Variants in PARD3B observed in about 807,000 individuals in gnomAD.
The protein encoded by PARD3B is par-3 family cell polarity regulator beta.
In PARD3B, 103 loss-of-function variants were observed where a neutral mutation model predicts 130.2. The observed-to-expected ratio is 0.79, with a 90% CI of 0.67 to 0.93. PARD3B has a LOEUF of 0.93. Among genes scored for constraint, PARD3B ranks in the 40% least tolerant of loss-of-function variants. The pLI, the probability that PARD3B is intolerant of heterozygous loss-of-function variation, is 0.00. For missense variants in PARD3B, 1,609 were observed against 1,499.2 expected, an observed-to-expected ratio of 1.07 and a Z score of -1.21; for synonymous variants, 583 against 553.2, an observed-to-expected ratio of 1.05 and a Z score of -0.76.
At chr2:204,636,083 T>G (rs151067251) in intron 1 of PARD3B, among the ~76,000 whole-genome samples, 108 of 152,246 alleles carry the variant, frequency 7.1e-4, no homozygotes, top group South Asian at 2.5e-3. Flanking sequence ...GGCTTAAATA[T>G]TAATTAAATA....
intron 2 of PARD3B, among the ~76,000 whole-genome samples, chr2:204,945,780 T>C (rs1210669126): frequency 1.3e-5 from 2 of 152,216 alleles, no homozygotes; most frequent in Admixed American, 1.3e-4. Context: ...GGGCAAGACA[T>C]TCAAGGTCCT....
chr2:205,020,307 T>TA (rs1696498119), intron 3 of PARD3B, among the ~76,000 whole-genome samples: 1 of 152,322 alleles, frequency 6.6e-6, no homozygotes, highest in African/African-American at 2.4e-5. Context: ...TACTTAGTGA[T>TA]ACAATTATCT....
chr2:205,331,199 C>CA (rs956493317), intron 18 of PARD3B, among the ~76,000 whole-genome samples: 2 of 152,040 alleles, frequency 1.3e-5, no homozygotes, highest in African/African-American at 4.8e-5. Context: ...TACAAACACA[C>CA]ACACAGACAT....
intron 13 of PARD3B, among the ~76,000 whole-genome samples, chr2:205,182,952 A>T (rs2035876227): frequency 1.3e-5 from 2 of 152,158 alleles, no homozygotes; most frequent in Admixed American, 1.3e-4. Context: ...ATTTGCAAGA[A>T]CTAGTCTAGG....
chr2:205,587,665 G>A (rs1009089531), intron 22 of PARD3B, among the ~76,000 whole-genome samples: 1 of 152,116 alleles, frequency 6.6e-6, no homozygotes, highest in Non-Finnish European at 1.5e-5. Flanking sequence ...GGCTATTTTA[G>A]TTGGGTTTTT....
At chr2:204,939,518 A>G (rs1191654425) in intron 2 of PARD3B, among the ~76,000 whole-genome samples, 1 of 152,230 alleles carries the variant, frequency 6.6e-6, no homozygotes, top group Non-Finnish European at 1.5e-5. Flanking sequence ...ATAACAGAGA[A>G]ATGAAGACAT....
At chr2:204,712,138 G>A (rs549209593) in intron 2 of PARD3B, among the ~76,000 whole-genome samples, 2 of 152,202 alleles carry the variant, frequency 1.3e-5, no homozygotes, top group South Asian at 4.2e-4. Flanking sequence ...CATTTATGAA[G>A]GGAGTTTATA....
chr2:205,246,410 A>T (rs1178598828), intron 16 of PARD3B, among the ~76,000 whole-genome samples: 1 of 152,116 alleles, frequency 6.6e-6, no homozygotes, highest in Admixed American at 6.5e-5. Flanking sequence ...CTAAAATCCA[A>T]GCTGTTTTTT....
chr2:205,515,506 A>G (rs1435875863), intron 21 of PARD3B, among the ~76,000 whole-genome samples: 5 of 142,456 alleles, frequency 3.5e-5, no homozygotes, highest in East Asian at 4.4e-4. Context: ...GCCAGCATCT[A>G]TTACTTTTTT....
chr2:205,301,812 A>T lies in PARD3B; in HGVS notation c.2630+111A>T. On this transcript the variant is annotated intron_variant, in intron 18 of 22. Transcript: ENST00000406610. The surrounding 1 kb of genome is among the most constrained non-coding windows in gnomAD (Gnocchi z 5.2). ...GCACGCTTTTCCTCGTCTTCAGCCA[A>T]ATGCATACGGCTCTCAATTCTGTGC... 6.7e-7 allele frequency: 1 copy of T among 1,503,420 alleles called. No homozygotes were observed. Among genetic ancestry groups the T allele is most frequent in the Non-Finnish European group, 9.3e-7 (1 of 1,079,324 alleles). 93.1% of individuals were successfully genotyped at this position (1,503,420 alleles called of 1,614,324 possible).
At chr2:205,177,914 C>G (rs576495204) in intron 13 of PARD3B, among the ~76,000 whole-genome samples, 1 of 152,090 alleles carries the variant, frequency 6.6e-6, no homozygotes, top group East Asian at 1.9e-4. Flanking sequence ...TCCTGTCTCC[C>G]TGTCCTCAGT....
In PARD3B at chr2:205,615,998, G is replaced by GA. The variant is rs199979746; in HGVS notation, c.*193dup. 1,710 of 561,948 alleles carry GA rather than the reference G, an allele frequency of 3.0e-3. 27 individuals are homozygous for GA. Among genetic ancestry groups the GA allele is most frequent in the African/African-American group, 0.023 (1,193 of 52,546 alleles). 34.8% of individuals were successfully genotyped at this position (561,948 alleles called of 1,614,324 possible). A position where few individuals can be genotyped will look rare whatever the true frequency, so the allele number is the denominator to read the frequency against. On this transcript the variant is annotated 3_prime_UTR_variant, in exon 23 of 23. Transcript: ENST00000406610. The stretch of plus-strand genomic sequence containing the variant: ...AAAGAAGGGGAAGGGAATTGGGGAG[G>GA]AAAAAAAATCAGAAGGAAGACGAAA...
At chr2:204,728,792 G>A (rs2039355979) in intron 2 of PARD3B, among the ~76,000 whole-genome samples, 1 of 152,136 alleles carries the variant, frequency 6.6e-6, no homozygotes, top group South Asian at 2.1e-4. Context: ...TGATCTTTCT[G>A]CTTTTTCAGT....
At chr2:204,556,843 G>T (rs766122177) in intron 1 of PARD3B, among the ~76,000 whole-genome samples, 8 of 152,032 alleles carry the variant, frequency 5.3e-5, no homozygotes, top group Non-Finnish European at 1.2e-4. Context: ...GTCTGTTAAG[G>T]CCTCATCACT....
intron 15 of PARD3B, among the ~76,000 whole-genome samples, chr2:205,236,807 C>A (rs370535353): frequency 1.3e-5 from 2 of 152,098 alleles, no homozygotes; most frequent in East Asian, 3.9e-4. Flanking sequence ...ACTGATCAGT[C>A]GCAGTGACAT....
At chr2:204,650,143 A>G (rs1349121678) in intron 1 of PARD3B, among the ~76,000 whole-genome samples, 2 of 152,202 alleles carry the variant, frequency 1.3e-5, no homozygotes, top group Non-Finnish European at 2.9e-5. Context: ...GCAAACAAGC[A>G]TATTAAAGCT....
intron 2 of PARD3B, among the ~76,000 whole-genome samples, chr2:204,786,321 C>T (rs1244215404): frequency 6.6e-6 from 1 of 151,998 alleles, no homozygotes; most frequent in African/African-American, 2.4e-5. Context: ...TAATTTCCTA[C>T]TCCTGGAGTT....
At chr2:205,413,427 A>G (rs572524101) in intron 19 of PARD3B, among the ~76,000 whole-genome samples, 59 of 152,188 alleles carry the variant, frequency 3.9e-4, no homozygotes, top group Non-Finnish European at 7.2e-4. Flanking sequence ...TATGTTTCAC[A>G]GAATAGGCAC....
intron 18 of PARD3B, chr2:205,347,881 G>A (rs1399928420): frequency 6.6e-6 from 1 of 152,120 alleles, no homozygotes; most frequent in Non-Finnish European, 1.5e-5. Flanking sequence ...CTTCCAGGAA[G>A]CAGGAGCTGA....
Sources: gnomAD v4.1 joint callset for allele counts (sites outside exome capture counted in the v4.1 genomes callset) on GRCh38, gnomAD v4.1.1 for gene constraint, Gnocchi (gnomAD v3.1) non-coding constraint, MANE v1.5 for transcripts, NCBI Gene and HGNC (gene_info 2026-07-23, HGNC 2026-07-21) for gene names.